Variants in FER1L5 observed in about 807,000 individuals in gnomAD.
The protein encoded by FER1L5 is fer-1 like family member 5, also known as fer-1-like protein 5.
Under a neutral mutation model 279.9 loss-of-function variants are expected in FER1L5, and 187 were observed. The ratio of observed to expected loss-of-function variants is 0.67; its 90% confidence interval spans 0.59 to 0.75. The LOEUF (loss-of-function observed/expected upper bound fraction) is 0.75. Ranked by LOEUF, FER1L5 falls within the 30% of genes least tolerant of loss-of-function variation. FER1L5 has a pLI of 0.00. For missense variants in FER1L5, 2,091 were observed against 2,594.4 expected (o/e 0.81, Z 4.21); for synonymous variants, 921 against 989.7 (o/e 0.93, Z 1.30).
At chr2:96,680,061 C>T (rs1376863852) in intron 19 of FER1L5, among the ~76,000 whole-genome samples, 2 of 152,280 alleles carry the variant, frequency 1.3e-5, no homozygotes, top group South Asian at 4.1e-4. Context: ...TCGTGTCCCG[C>T]AGGTGGCTGC....
chr2:96,688,129 A>G (rs962742611), intron 24 of FER1L5, among the ~76,000 whole-genome samples, 182 bp downstream of exon 24: 1 of 152,164 alleles, frequency 6.6e-6, no homozygotes, highest in African/African-American at 2.4e-5. Flanking sequence ...GCTAGGAGAT[A>G]GTCTGCTGGA....
intron 8 of FER1L5, chr2:96,653,954 G>A: frequency 2.0e-6 from 1 of 500,520 alleles, no homozygotes; most frequent in Non-Finnish European, 3.5e-6. Context: ...CCCTTCCCAT[G>A]TGCCAGGATT....
intron 9 of FER1L5, among the ~76,000 whole-genome samples, chr2:96,655,603 G>GAGGTGAAAA (rs778779039): frequency 7.9e-5 from 12 of 152,174 alleles, no homozygotes; most frequent in Non-Finnish European, 1.8e-4. Context: ...TAGATGGTAG[G>GAGGTGAAAA]AGGTGAAAAA....
intron 34 of FER1L5, 167 bp from the exon 35 acceptor site, chr2:96,695,342 A>C: frequency 1.2e-6 from 1 of 861,922 alleles, no homozygotes; most frequent in Non-Finnish European, 1.7e-6. Flanking sequence ...AGGACGGGGA[A>C]GCCTGTCCTT....
At chr2:96,679,517 C>T (rs541746250) in intron 19 of FER1L5, among the ~76,000 whole-genome samples, 62 of 152,316 alleles carry the variant, frequency 4.1e-4, no homozygotes, top group South Asian at 3.3e-3. Context: ...CCACCGCACC[C>T]GGCCACACCT....
At chr2:96,703,784 G>A (rs1315551924) in intron 51 of FER1L5, among the ~76,000 whole-genome samples, 152 bp downstream of exon 51, 10 of 150,372 alleles carry the variant, frequency 6.7e-5, no homozygotes, top group African/African-American at 2.4e-5. Flanking sequence ...GACTTGGGGT[G>A]AGGGTTGGAG....
In FER1L5 at chr2:96,695,578, G is replaced by T. The variant is rs1431079637; in HGVS notation, c.3811G>T (p.Glu1271Ter). 6.3e-7 allele frequency: 1 copy of T among 1,596,242 alleles called. No individual in the cohort carries two copies. Among genetic ancestry groups the T allele is most frequent in the Admixed American group, 1.8e-5 (1 of 57,122 alleles). ...CCAGCTCCTGGTGGAATTCGGGGAA[G>T]AGTCCCTGAGGACAGAACCCATCAG... is the stretch of plus-strand genomic sequence containing the variant. ...SPQLLVEFGEESLRTEPIRDF... is the reference protein window; with the variant it reads ...SPQLLVEFGE The change falls in exon 35 of 53, where the codon GAG (glutamate) becomes TAG (stop). Residue 1271 changes from glutamate to a stop codon, truncating the protein, a stop_gained. Transcript: ENST00000624922. LOFTEE classifies it high-confidence loss of function.
intron 19 of FER1L5, among the ~76,000 whole-genome samples, chr2:96,681,182 A>T (rs1363916142): frequency 6.6e-6 from 1 of 152,176 alleles, no homozygotes; most frequent in Non-Finnish European, 1.5e-5. Context: ...AGCCTGGGTA[A>T]CACAGAGAGA....
At chr2:96,695,274 C>G (rs973752767) in intron 34 of FER1L5, 1 of 529,576 alleles carries the variant, frequency 1.9e-6, no homozygotes, top group Admixed American at 3.9e-5. Context: ...CAGAGGTCAC[C>G]TCCCTCATGG....
At position 96,689,255 on chromosome 2, in the gene FER1L5, G is replaced by T. The variant is rs1418049201; in HGVS notation, c.2404G>T (p.Gly802Trp). The T allele has an allele frequency of 1.3e-6, 2 of 1,550,658 alleles. No homozygotes were observed. Among genetic ancestry groups the T allele is most frequent in the Admixed American group, 2.0e-5 (1 of 50,842 alleles). The change falls in exon 25 of 53, where the codon GGG (glycine) becomes TGG (tryptophan). Residue 802 changes from glycine to tryptophan, a missense_variant. By Grantham distance (184) the Gly-to-Trp change is radical. Coordinates refer to ENST00000624922, the MANE Select transcript of FER1L5 (RefSeq NM_001293083.2). This position sits in a 1 kb window ranked among gnomAD's most constrained non-coding sequence, Gnocchi z 4.6. Reference protein sequence around the residue: ...AKYKDQWGQQGLYHCPNFSDV... With the variant: ...AKYKDQWGQQWLYHCPNFSDV... Reference sequence around the variant, plus strand: ...GTATAAAGACCAGTGGGGGCAGCAGGGGCTGTATCACTGCCCCAACTTCTC... The same window carrying T: ...GTATAAAGACCAGTGGGGGCAGCAGTGGCTGTATCACTGCCCCAACTTCTC...
At chr2:96,701,818 G>GAT in intron 45 of FER1L5, 137 bp from the exon 46 acceptor site, 1 of 747,986 alleles carries the variant, frequency 1.3e-6, no homozygotes, top group Admixed American at 2.7e-5. Flanking sequence ...CGGCCTCACA[G>GAT]ATATCTCTGT....
Position 96,673,039 on chromosome 2 carries a change from G to A in FER1L5, c.1492-38G>A, listed in dbSNP as rs1015752738. ...CCTGTCAATATAACCCTTGGCTTATGTACTGGGTATGGGGGGTGGGGGCGG... is the reference window on the plus strand; with the variant it reads ...CCTGTCAATATAACCCTTGGCTTATATACTGGGTATGGGGGGTGGGGGCGG... On this transcript the variant is annotated intron_variant, in intron 18 of 52. Transcript: ENST00000624922. 3 of 1,543,282 alleles carry A rather than the reference G, an allele frequency of 1.9e-6. No homozygotes were observed. The African/African-American group carries it at 4.1e-5, about 21-fold the overall frequency.
At position 96,687,811 on chromosome 2, in the gene FER1L5, CT is replaced by C; in HGVS notation, c.2230-4del. ...CCCTGTGGGACCGATCGGCCTCTGG[CT>C]CAGTACCCAGAGGGTGAAGGACAGA... On this transcript the variant is annotated splice_region_variant and splice_polypyrimidine_tract_variant and intron_variant, in intron 23 of 52. Coordinates refer to ENST00000624922, the MANE Select transcript of FER1L5 (RefSeq NM_001293083.2). The C allele has an allele frequency of 1.3e-6, 2 of 1,551,092 alleles. No homozygotes were observed. Among genetic ancestry groups the C allele is most frequent in the Non-Finnish European group, 1.7e-6 (2 of 1,146,940 alleles).
rs2075168879 is a variant in FER1L5 at position 96,647,175 on chromosome 2, G to T, written c.230+20G>T. ...AGAAAGGTGAGGCAGAGAGAGGCAGGAGGAGCCTAGCTCCTGACCAACGCA... is the reference window on the plus strand; with the variant it reads ...AGAAAGGTGAGGCAGAGAGAGGCAGTAGGAGCCTAGCTCCTGACCAACGCA... On this transcript the variant is annotated intron_variant, in intron 3 of 52. Coordinates refer to ENST00000624922, the MANE Select transcript of FER1L5 (RefSeq NM_001293083.2). 1 of 1,550,696 alleles carries T rather than the reference G, an allele frequency of 6.4e-7. No homozygotes were observed. Among genetic ancestry groups the T allele is most frequent in the Non-Finnish European group, 8.7e-7 (1 of 1,146,382 alleles).
At chr2:96,659,280 TTTA>T (rs1234647270) in intron 9 of FER1L5, among the ~76,000 whole-genome samples, 2 of 150,190 alleles carry the variant, frequency 1.3e-5, no homozygotes, top group African/African-American at 5.0e-5. Flanking sequence ...TGAAGTCCAA[TTTA>T]TCAAGCTTTC....
Position 96,691,546 on chromosome 2 carries a change from G to T in FER1L5, c.3009G>T (p.Trp1003Cys). Residue 1003 changes from tryptophan (W) to cysteine (C), a missense_variant, in exon 29 of 53, where the codon TGG becomes TGT. Transcript: ENST00000624922. This position sits in a 1 kb window ranked among gnomAD's most constrained non-coding sequence, Gnocchi z 6.0. ...QPQSRFRRRC[W>C]RRRLAPNKDK... ...AGAGCCGGTTCCGCCGCCGCTGCTGGCGCCGCAGGCTGGCCCCCAACAAGG... is the reference window on the plus strand; with the variant it reads ...AGAGCCGGTTCCGCCGCCGCTGCTGTCGCCGCAGGCTGGCCCCCAACAAGG... 1 of 1,549,692 alleles carries T rather than the reference G, an allele frequency of 6.5e-7. No individual in the cohort carries two copies.
chr2:96,684,337 C>T lies in FER1L5; in HGVS notation c.1680C>T (p.Tyr560=), dbSNP rs1368083559. The change falls in exon 20 of 53, where the codon TAC becomes TAT. Residue 560 remains tyrosine (Y), a synonymous_variant. Coordinates refer to ENST00000624922, the MANE Select transcript of FER1L5 (RefSeq NM_001293083.2). ...YSPVIYDGNI[Y]HYVPWYNTKP... is the part of the protein sequence containing the mutation. ...GTCTCTGTGTCTCAGGGAACATCTA[C>T]CATTATGTGCCCTGGTACAACACCA... 6.4e-7 allele frequency: 1 copy of T among 1,551,426 alleles called. No homozygotes were observed. The highest frequency in any genetic ancestry group is 2.4e-5 in the East Asian group (1 of 40,928).
At chr2:96,664,366 G>A in intron 14 of FER1L5, among the ~76,000 whole-genome samples, 1 of 151,994 alleles carries the variant, frequency 6.6e-6, no homozygotes, top group East Asian at 1.9e-4. Flanking sequence ...CCCATCCCCA[G>A]GCAACCAACA....
intron 45 of FER1L5, among the ~76,000 whole-genome samples, chr2:96,700,926 C>T (rs1238453943): frequency 2.0e-5 from 3 of 152,232 alleles, no homozygotes; most frequent in African/African-American, 7.2e-5. Context: ...ATTCACTCTG[C>T]AGCCACCATA....
Sources: allele counts gnomAD v4.1 joint callset (sites outside exome capture counted in the v4.1 genomes callset), GRCh38; gene constraint gnomAD v4.1.1; non-coding constraint Gnocchi (gnomAD v3.1); transcripts MANE v1.5; gene names NCBI Gene and HGNC (gene_info 2026-07-23, HGNC 2026-07-21).